Variants in MEIS2 observed in about 807,000 individuals in gnomAD.
The protein encoded by MEIS2 is Meis homeobox 2.
MEIS2 carries 9 observed loss-of-function variants against 58.6 expected under a neutral mutation model. The observed-to-expected ratio is 0.15, with a 90% CI of 0.09 to 0.27. The LOEUF (loss-of-function observed/expected upper bound fraction) is 0.27, where lower values mean the gene tolerates loss of function less well. Ranked by LOEUF, MEIS2 falls within the 10% of genes least tolerant of loss-of-function variation. The probability of loss-of-function intolerance (pLI) is 1.00; values close to 1 mark genes in which losing one functional copy is unlikely to be tolerated. For missense variants in MEIS2, 427 were observed against 635.0 expected (o/e 0.67, Z 3.52); for synonymous variants, 221 against 228.4 (o/e 0.97, Z 0.29).
intron 9 of MEIS2, among the ~76,000 whole-genome samples, chr15:36,948,832 C>T (rs1180043770): frequency 6.6e-6 from 1 of 151,948 alleles, no homozygotes; most frequent in Non-Finnish European, 1.5e-5. Flanking sequence ...TACACATCCC[C>T]CTCCAGAGGG....
At chr15:36,894,929 G>C (rs2056089433) in intron 11 of MEIS2, 2 of 1,025,192 alleles carry the variant, frequency 2.0e-6, no homozygotes, top group East Asian at 4.7e-5. Flanking sequence ...AAAGAAAAAA[G>C]AAAAAGGATG....
chr15:36,893,411 C>T (rs879650874), intron 11 of MEIS2, among the ~76,000 whole-genome samples: 1 of 152,080 alleles, frequency 6.6e-6, no homozygotes, highest in African/African-American at 2.4e-5. Context: ...TAAGTAGATC[C>T]GCAGTCCATT....
intron 8 of MEIS2, among the ~76,000 whole-genome samples, chr15:37,018,487 G>C (rs1479618409): frequency 6.6e-6 from 1 of 152,142 alleles, no homozygotes; most frequent in Non-Finnish European, 1.5e-5. Flanking sequence ...AGTAGTGTTG[G>C]TTTTTGTGGA....
intron 9 of MEIS2, among the ~76,000 whole-genome samples, chr15:36,918,158 C>T (rs377763752): frequency 3.9e-5 from 6 of 152,170 alleles, no homozygotes; most frequent in African/African-American, 1.4e-4. Flanking sequence ...GGATTAATTT[C>T]ACATCTTAGG....
intron 9 of MEIS2, among the ~76,000 whole-genome samples, chr15:36,916,244 G>A (rs769156305): frequency 3.7e-4 from 56 of 151,564 alleles, no homozygotes; most frequent in Non-Finnish European, 7.4e-4. Flanking sequence ...TGGCTAAAAC[G>A]GTGAAACCCT....
At chr15:37,043,074 T>G (rs1171247735) in intron 7 of MEIS2, among the ~76,000 whole-genome samples, 1 of 152,232 alleles carries the variant, frequency 6.6e-6, no homozygotes, top group Non-Finnish European at 1.5e-5. Context: ...CACCTAAAAC[T>G]GACCTCTCAG....
At chr15:36,899,387 C>T (rs2056353620) in intron 9 of MEIS2, among the ~76,000 whole-genome samples, 1 of 152,144 alleles carries the variant, frequency 6.6e-6, no homozygotes, top group South Asian at 2.1e-4. Flanking sequence ...ACTGATGACT[C>T]AGAGGCCACT....
At chr15:36,894,801 C>A in intron 11 of MEIS2, 1 of 1,612,408 alleles carries the variant, frequency 6.2e-7, no homozygotes, top group Non-Finnish European at 8.5e-7. Context: ...ATGCCCATTC[C>A]ACTCATAGGT....
rs867699647 is a variant in MEIS2, at chr15:36,891,305, G to A, written c.*868C>T. 8 of 152,162 alleles carry A rather than the reference G, an allele frequency of 5.3e-5. No homozygotes were observed. The highest frequency in any genetic ancestry group is 1.3e-4 in the Admixed American group (2 of 15,226). The allele number at this position is 152,162 out of a possible 1,614,324, so 9.4% of individuals were successfully genotyped here. ...TCTAACATGAAACAATTAATAGACCGAACTCTGTACGAAGTTTGTTACAGT... is the reference window on the plus strand; with the variant it reads ...TCTAACATGAAACAATTAATAGACCAAACTCTGTACGAAGTTTGTTACAGT... On this transcript the variant is annotated 3_prime_UTR_variant, in exon 12 of 12. Coordinates refer to ENST00000561208, the MANE Select transcript of MEIS2 (RefSeq NM_170675.5).
chr15:37,004,710 C>T (rs571086689), intron 8 of MEIS2, among the ~76,000 whole-genome samples: 1 of 152,300 alleles, frequency 6.6e-6, no homozygotes, highest in East Asian at 1.9e-4. Context: ...TCAGACAAAG[C>T]CCAGCAGGAT....
chr15:36,957,730 A>G (rs2059033594), intron 8 of MEIS2, among the ~76,000 whole-genome samples: 1 of 152,238 alleles, frequency 6.6e-6, no homozygotes, highest in African/African-American at 2.4e-5. Context: ...TACAGCACTT[A>G]GCTCAGTATT....
chr15:36,950,193 C>T (rs1221582010), intron 9 of MEIS2, 131 bp downstream of exon 9: 5 of 761,004 alleles, frequency 6.6e-6, no homozygotes, highest in Admixed American at 2.6e-5. Context: ...TTTCACACCT[C>T]GAGGTAGAAA....
At chr15:36,948,829 C>T (rs1054303767) in intron 9 of MEIS2, among the ~76,000 whole-genome samples, 1 of 151,934 alleles carries the variant, frequency 6.6e-6, no homozygotes, top group East Asian at 1.9e-4. Context: ...ACATACACAT[C>T]CCCCTCCAGA....
At chr15:37,097,666 T>C (rs1004419719) in intron 2 of MEIS2, among the ~76,000 whole-genome samples, 5 of 152,198 alleles carry the variant, frequency 3.3e-5, no homozygotes, top group Non-Finnish European at 7.4e-5. Flanking sequence ...CTGCGTCCTT[T>C]GGCCAGGAAT....
chr15:37,058,393 T>C (rs1696317453), intron 7 of MEIS2, among the ~76,000 whole-genome samples: 1 of 152,236 alleles, frequency 6.6e-6, no homozygotes, highest in Admixed American at 6.5e-5. Flanking sequence ...CGTCTGATAC[T>C]ACAGTCAAAG....
chr15:37,079,936 T>A (rs1383490557), intron 7 of MEIS2, among the ~76,000 whole-genome samples: 1 of 152,142 alleles, frequency 6.6e-6, no homozygotes, highest in Non-Finnish European at 1.5e-5. Context: ...CAGCAGTTAC[T>A]GGGCCAACTG....
intron 8 of MEIS2, among the ~76,000 whole-genome samples, chr15:37,007,600 A>C (rs1186874355): frequency 6.6e-6 from 1 of 152,084 alleles, no homozygotes; most frequent in Non-Finnish European, 1.5e-5. Context: ...CTTCCTCACT[A>C]TCCTTTAAGC....
At chr15:37,074,580 C>T (rs1891126701) in intron 7 of MEIS2, among the ~76,000 whole-genome samples, 1 of 151,896 alleles carries the variant, frequency 6.6e-6, no homozygotes. Context: ...TTAAAGGACA[C>T]AGCCAAGGTC....
rs1225566728 is a variant in MEIS2 at position 36,890,754 on chromosome 15, C to A, written c.*1419G>T. 6.6e-6 allele frequency: 1 copy of A among 152,120 alleles called. No individual in the cohort carries two copies. Among genetic ancestry groups the A allele is most frequent in the Non-Finnish European group, 1.5e-5 (1 of 68,022 alleles). 9.4% of individuals were successfully genotyped at this position (152,120 alleles called of 1,614,324 possible). A position where few individuals can be genotyped will look rare whatever the true frequency, so the allele number is the denominator to read the frequency against. ...TTATCTGAAAGTATATATTTTTTAA[C>A]GTCATGCATCTAAAAAGGAGGTTGA... On this transcript the variant is annotated 3_prime_UTR_variant, in exon 12 of 12. Transcript: ENST00000561208.
Sources: allele counts gnomAD v4.1 joint callset (sites outside exome capture counted in the v4.1 genomes callset), GRCh38; gene constraint gnomAD v4.1.1; transcripts MANE v1.5; gene names NCBI Gene and HGNC (gene_info 2026-07-23, HGNC 2026-07-21).